EYS: variants seen among roughly 807,000 people sequenced by gnomAD.
EYS encodes EGF-like photoreceptor maintenance factor, also known as protein eyes shut homolog.
A neutral mutation model predicts 282.1 loss-of-function variants in EYS; 250 were observed. The ratio of observed to expected loss-of-function variants is 0.89; its 90% CI spans 0.80 to 0.98. The LOEUF (loss-of-function observed/expected upper bound fraction) is 0.98. EYS is among the 50% of genes least tolerant of loss of function. The probability of loss-of-function intolerance (pLI) is 0.00; values close to 1 mark genes in which losing one functional copy is unlikely to be tolerated. For synonymous variants in EYS, 1,355 were observed against 1,282.9 expected (o/e 1.06, Z -1.20); for missense variants, 4,016 against 3,709.0 (o/e 1.08, Z -2.15).
chr6:65,044,068 G>A (rs998089985), intron 13 of EYS, among the ~76,000 whole-genome samples: 6 of 151,574 alleles, frequency 4.0e-5, no homozygotes, highest in Admixed American at 2.0e-4. Flanking sequence ...ATAATAATAA[G>A]AGCCATGCTA....
chr6:65,312,267 C>G (rs1354162089), intron 11 of EYS, among the ~76,000 whole-genome samples: 1 of 150,788 alleles, frequency 6.6e-6, no homozygotes, highest in African/African-American at 2.4e-5. Flanking sequence ...TCCTATGATG[C>G]TTGACTAACT....
intron 23 of EYS, among the ~76,000 whole-genome samples, chr6:64,620,058 A>G (rs1767396159): frequency 6.6e-6 from 1 of 152,190 alleles, no homozygotes; most frequent in African/African-American, 2.4e-5. Context: ...AAGATTCATT[A>G]CAAGAAACAG....
chr6:64,090,701 A>T (rs1474965810), intron 31 of EYS, among the ~76,000 whole-genome samples: 6 of 152,126 alleles, frequency 3.9e-5, no homozygotes, highest in African/African-American at 1.4e-4. Flanking sequence ...TAGAATTTCC[A>T]TCTATCAAGT....
intron 13 of EYS, among the ~76,000 whole-genome samples, chr6:65,019,508 T>C (rs115288121): frequency 0.012 from 1,805 of 152,302 alleles, 39 homozygotes; most frequent in African/African-American, 0.041. Flanking sequence ...TGATTTCTGA[T>C]ACCTAACATA....
intron 14 of EYS, among the ~76,000 whole-genome samples, chr6:64,976,534 G>T (rs931188300): frequency 6.6e-6 from 1 of 151,808 alleles, no homozygotes; most frequent in African/African-American, 2.4e-5. Flanking sequence ...AACTTTACAT[G>T]GCAGTAGGAA....
At chr6:64,707,921 G>T (rs1771086610) in intron 22 of EYS, among the ~76,000 whole-genome samples, 1 of 152,036 alleles carries the variant, frequency 6.6e-6, no homozygotes. Flanking sequence ...AAAAAAGTAT[G>T]AAAGGGACTA....
At chr6:64,078,213 A>C (rs1277949676) in intron 32 of EYS, among the ~76,000 whole-genome samples, 1 of 152,096 alleles carries the variant, frequency 6.6e-6, no homozygotes, top group Non-Finnish European at 1.5e-5. Flanking sequence ...AATGGAATTG[A>C]GTTGAACTGA....
intron 8 of EYS, among the ~76,000 whole-genome samples, chr6:65,361,408 T>A (rs1016293447): frequency 6.6e-6 from 1 of 151,888 alleles, no homozygotes; most frequent in Non-Finnish European, 1.5e-5. Flanking sequence ...ATGATCAATT[T>A]AATTTAATGA....
chr6:64,100,793 G>A (rs569859413), intron 31 of EYS, among the ~76,000 whole-genome samples: 2 of 152,208 alleles, frequency 1.3e-5, no homozygotes, highest in African/African-American at 4.8e-5. Context: ...TAGGGTAGGG[G>A]GTGGTTACTT....
intron 22 of EYS, among the ~76,000 whole-genome samples, chr6:64,762,266 A>G (rs1773183048): frequency 6.6e-6 from 1 of 152,212 alleles, no homozygotes; most frequent in East Asian, 1.9e-4. Context: ...TGACTGCTGA[A>G]AAAAAGTAAT....
intron 12 of EYS, among the ~76,000 whole-genome samples, chr6:65,276,450 C>A (rs1203878296): frequency 6.6e-6 from 1 of 151,928 alleles, no homozygotes; most frequent in Non-Finnish European, 1.5e-5. Context: ...GTTAAGACTG[C>A]CACTGGGTCA....
intron 29 of EYS, among the ~76,000 whole-genome samples, chr6:64,309,049 T>C (rs1769569940): frequency 6.6e-6 from 1 of 152,120 alleles, no homozygotes; most frequent in South Asian, 2.1e-4. Flanking sequence ...CCTGAAATAT[T>C]ATAGTTTACT....
At chr6:64,981,344 A>G (rs1770658181) in intron 14 of EYS, among the ~76,000 whole-genome samples, 1 of 151,306 alleles carries the variant, frequency 6.6e-6, no homozygotes, top group Non-Finnish European at 1.5e-5. Context: ...CTCTTTTTAG[A>G]GTAAAAATCA....
intron 31 of EYS, among the ~76,000 whole-genome samples, chr6:64,114,901 G>A (rs1398095351): frequency 6.6e-6 from 1 of 152,102 alleles, no homozygotes; most frequent in East Asian, 1.9e-4. Flanking sequence ...AGCTACAGAT[G>A]TGCTTCCCTG....
At chr6:64,624,157 A>G (rs9363026) in intron 23 of EYS, among the ~76,000 whole-genome samples, 149,674 of 152,244 alleles carry the variant, frequency 0.98, 73,607 homozygotes, top group East Asian at 1. Flanking sequence ...TCATTTTGAG[A>G]TCTTCTGCTT....
At chr6:65,518,739 T>C (rs1269820402) in intron 2 of EYS, among the ~76,000 whole-genome samples, 1 of 151,670 alleles carries the variant, frequency 6.6e-6, no homozygotes, top group Non-Finnish European at 1.5e-5. Flanking sequence ...AGGAAAGAGG[T>C]TTAATGGACT....
chr6:65,197,743 A>G (rs1370763143), intron 12 of EYS, among the ~76,000 whole-genome samples: 2 of 152,084 alleles, frequency 1.3e-5, no homozygotes, highest in African/African-American at 4.8e-5. Context: ...AACAGAAAAC[A>G]TACAGTAAAA....
chr6:64,971,592 AG>A (rs1770295209), intron 14 of EYS, among the ~76,000 whole-genome samples: 1 of 152,200 alleles, frequency 6.6e-6, no homozygotes, highest in Non-Finnish European at 1.5e-5. Context: ...TTAGCAAGTA[AG>A]GGACTACTTT....
At chr6:64,065,900 A>T (rs1022319321) in intron 33 of EYS, among the ~76,000 whole-genome samples, 12 of 152,332 alleles carry the variant, frequency 7.9e-5, no homozygotes, top group Non-Finnish European at 1.2e-4. Context: ...TAAACAAAAC[A>T]ATTTTCAGAT....
Sources: gnomAD v4.1 joint callset for allele counts (sites outside exome capture counted in the v4.1 genomes callset) on GRCh38, gnomAD v4.1.1 for gene constraint, MANE v1.5 for transcripts, NCBI Gene and HGNC (gene_info 2026-07-23, HGNC 2026-07-21) for gene names.